The following EWSR1 variants were observed in gnomAD, a reference collection of about 807,000 sequenced individuals.
The protein encoded by EWSR1 is EWS RNA binding protein 1.
A neutral mutation model predicts 92.1 loss-of-function variants in EWSR1; 14 were observed. That is an observed-to-expected ratio of 0.15 (90% CI 0.10 to 0.24). The LOEUF (loss-of-function observed/expected upper bound fraction) is 0.24, where lower values mean the gene tolerates loss of function less well. EWSR1 is among the 10% of genes least tolerant of loss of function. The pLI, the probability that EWSR1 is intolerant of heterozygous loss-of-function variation, is 1.00. For missense variants in EWSR1, 637 were observed against 870.9 expected, an observed-to-expected ratio of 0.73 and a Z score of 3.38; for synonymous variants, 303 against 292.9, an observed-to-expected ratio of 1.03 and a Z score of -0.35.
intron 8 of EWSR1, chr22:29,289,525 C>T (rs1220180065): frequency 1.7e-5 from 4 of 232,444 alleles, no homozygotes; most frequent in Non-Finnish European, 3.4e-5. Flanking sequence ...CCCCTTTTCC[C>T]TATCTGGTGT....
chr22:29,274,837 G>A (rs1257041295), intron 4 of EWSR1, among the ~76,000 whole-genome samples: 1 of 152,172 alleles, frequency 6.6e-6, no homozygotes, highest in Non-Finnish European at 1.5e-5. Flanking sequence ...AAAAACCTAT[G>A]ATAATTTTTT....
intron 8 of EWSR1, chr22:29,291,182 A>G: frequency 3.8e-6 from 1 of 260,466 alleles, no homozygotes. Flanking sequence ...CACCTTTATG[A>G]ACATGGAAAG....
intron 4 of EWSR1, chr22:29,275,701 G>C: frequency 8.7e-6 from 2 of 229,528 alleles, no homozygotes; most frequent in Non-Finnish European, 1.7e-5. Flanking sequence ...AGTCATTGGA[G>C]GGAATACATA....
At chr22:29,283,879 G>C (rs1387203302) in intron 6 of EWSR1, among the ~76,000 whole-genome samples, 1 of 150,708 alleles carries the variant, frequency 6.6e-6, no homozygotes, top group African/African-American at 2.5e-5. Flanking sequence ...TTGTTGCCCA[G>C]GCTGGAGTGC....
chr22:29,285,601 A>C (rs1049171137), intron 6 of EWSR1, among the ~76,000 whole-genome samples: 1 of 151,372 alleles, frequency 6.6e-6, no homozygotes, highest in African/African-American at 2.5e-5. Flanking sequence ...AGTAGCAAAG[A>C]CAAATCTTTG....
chr22:29,276,037 A>AC (rs2059093003), intron 4 of EWSR1: 1 of 230,822 alleles, frequency 4.3e-6, no homozygotes, highest in South Asian at 1.8e-4. Context: ...TTATTTATTA[A>AC]CCCAGTGTCT....
intron 1 of EWSR1, among the ~76,000 whole-genome samples, chr22:29,270,825 T>G (rs2058618290): frequency 6.6e-6 from 1 of 151,870 alleles, no homozygotes; most frequent in Non-Finnish European, 1.5e-5. Context: ...AGTTTTAATG[T>G]CAGAGAGAGT....
chr22:29,300,152 G>C lies in EWSR1; in HGVS notation c.1962G>C (p.Arg654=), dbSNP rs763891504. ...KGEHRQERRD[R]PY Reference sequence around the variant, plus strand: ...AGCACCGTCAGGAGCGCAGAGATCGGCCCTACTAGATGCAGAGACCCCGCA... The same window carrying C: ...AGCACCGTCAGGAGCGCAGAGATCGCCCCTACTAGATGCAGAGACCCCGCA... The change falls in exon 17 of 17, where the codon CGG becomes CGC. Residue 654 remains arginine, a synonymous_variant. Coordinates refer to ENST00000397938, the MANE Select transcript of EWSR1 (RefSeq NM_005243.4). 1 of 1,603,890 alleles carries C rather than the reference G, an allele frequency of 6.2e-7. No homozygotes were observed. The highest frequency in any genetic ancestry group is 8.5e-7 in the Non-Finnish European group (1 of 1,177,866).
Position 29,300,345 on chromosome 22 carries a change from AGTT to A in EWSR1, c.*185_*187del, listed in dbSNP as rs1487959212. On this transcript the variant is annotated 3_prime_UTR_variant, in exon 17 of 17. Coordinates refer to ENST00000397938, the MANE Select transcript of EWSR1 (RefSeq NM_005243.4). ...AAACAAGTTAAATGGTAGTGTGCGGAGTTTTTTTTTCTTCCTTCTTTTAAAAAT... is the reference window on the plus strand; with the variant it reads ...AAACAAGTTAAATGGTAGTGTGCGGATTTTTTTCTTCCTTCTTTTAAAAAT... 1 of 591,312 alleles carries A rather than the reference AGTT, an allele frequency of 1.7e-6. No individual in the cohort carries two copies. The highest frequency in any genetic ancestry group is 2.8e-6 in the Non-Finnish European group (1 of 351,226). 36.6% of individuals were successfully genotyped at this position (591,312 alleles called of 1,614,324 possible).
chr22:29,288,428 C>T (rs2060210851), intron 7 of EWSR1, among the ~76,000 whole-genome samples, 178 bp from the exon 8 acceptor site: 1 of 152,128 alleles, frequency 6.6e-6, no homozygotes, highest in Non-Finnish European at 1.5e-5. Flanking sequence ...CTGTGATGAT[C>T]CAGCAGTTTT....
chr22:29,300,153 C>A lies in EWSR1; in HGVS notation c.1963C>A (p.Pro655Thr), dbSNP rs2061238757. 6.3e-7 allele frequency: 1 copy of A among 1,596,110 alleles called. No individual in the cohort carries two copies. Among genetic ancestry groups the A allele is most frequent in the Admixed American group, 1.7e-5 (1 of 58,068 alleles). The change falls in exon 17 of 17, where the codon CCC (proline) becomes ACC (threonine). Residue 655 changes from proline to threonine, a missense_variant. This residue lies in a region of EWSR1 where 363 missense variants were observed against 447.8 expected (regional missense o/e 0.81). Transcript: ENST00000397938. ...GCACCGTCAGGAGCGCAGAGATCGG[C>A]CCTACTAGATGCAGAGACCCCGCAG... ...GEHRQERRDR[P>T]Y
intron 1 of EWSR1, among the ~76,000 whole-genome samples, chr22:29,268,859 G>C (rs2058383119): frequency 6.6e-6 from 1 of 152,258 alleles, no homozygotes; most frequent in Non-Finnish European, 1.5e-5. Context: ...GCCGGCCTAT[G>C]AGCGGGAGCC....
intron 12 of EWSR1, 140 bp downstream of exon 12, chr22:29,296,508 T>G: frequency 1.2e-6 from 1 of 832,432 alleles, no homozygotes; most frequent in Non-Finnish European, 1.8e-6. Flanking sequence ...GCAGTAGTAG[T>G]AGCACCCAGC....
Position 29,297,905 on chromosome 22 carries a change from T to C in EWSR1, c.1373T>C (p.Leu458Pro), listed in dbSNP as rs747325080. Reference protein sequence around the residue: ...KPPMNSMRGGLPPREGRGMPP... With the variant: ...KPPMNSMRGGPPPREGRGMPP... ...CCAATGAACAGTATGCGGGGTGGTC[T>C]GCCACCCCGTGAGGGCAGAGGCATG... Residue 458 changes from leucine to proline, a missense_variant, in exon 13 of 17, where the codon CTG becomes CCG. Physicochemically the swap from Leu to Pro is moderately conservative, Grantham distance 98. Transcript: ENST00000397938. 4.3e-6 allele frequency: 7 copies of C among 1,613,774 alleles called. No homozygotes were observed. In the East Asian group the frequency reaches 1.6e-4, roughly 36 times the overall value.
At chr22:29,290,643 C>G in intron 8 of EWSR1, 3 of 1,414,192 alleles carry the variant, frequency 2.1e-6, no homozygotes, top group Non-Finnish European at 1.9e-6. Flanking sequence ...GTATAATACT[C>G]TAGAATTGTG....
At chr22:29,299,389 A>G (rs757831026) in intron 15 of EWSR1, 58 bp downstream of exon 15, 23 of 1,567,052 alleles carry the variant, frequency 1.5e-5, no homozygotes, top group Non-Finnish European at 2.0e-5. Flanking sequence ...CTCTTTTCTT[A>G]TTTGTGGGCT....
At chr22:29,286,416 C>T (rs1451821900) in intron 6 of EWSR1, among the ~76,000 whole-genome samples, 1 of 151,950 alleles carries the variant, frequency 6.6e-6, no homozygotes, top group African/African-American at 2.4e-5. Context: ...CAGCTGGGCA[C>T]CGTGGCTCAT....
intron 7 of EWSR1, among the ~76,000 whole-genome samples, chr22:29,287,531 G>GGA (rs2060137748): frequency 1.3e-5 from 2 of 152,082 alleles, no homozygotes; most frequent in South Asian, 4.1e-4. Context: ...TTGAACAGGG[G>GGA]GAATACTCTT....
chr22:29,274,839 T>C (rs1370374816), intron 4 of EWSR1, among the ~76,000 whole-genome samples: 1 of 152,206 alleles, frequency 6.6e-6, no homozygotes, highest in Non-Finnish European at 1.5e-5. Context: ...AAACCTATGA[T>C]AATTTTTTTG....
Sources: gnomAD v4.1 joint callset for allele counts (sites outside exome capture counted in the v4.1 genomes callset) on GRCh38, gnomAD v4.1.1 for gene constraint, gnomAD v4.1.1 regional missense constraint, MANE v1.5 for transcripts, NCBI Gene and HGNC (gene_info 2026-07-23, HGNC 2026-07-21) for gene names.